Variants in MYNN observed in about 807,000 individuals in gnomAD.
MYNN encodes zinc finger and BTB domain-containing protein 31.
In MYNN, 22 loss-of-function variants were observed where a neutral mutation model predicts 57.2. The ratio of observed to expected loss-of-function variants is 0.38; its 90% CI spans 0.27 to 0.55. The LOEUF (loss-of-function observed/expected upper bound fraction) is 0.55, where lower values mean the gene tolerates loss of function less well. MYNN is among the 20% of genes least tolerant of loss of function. MYNN has a pLI of 0.71. For missense variants in MYNN, 566 were observed against 723.1 expected, an observed-to-expected ratio of 0.78 and a Z score of 2.49; for synonymous variants, 241 against 257.1, an observed-to-expected ratio of 0.94 and a Z score of 0.60.
At chr3:169,775,938 T>TG in intron 2 of MYNN, among the ~76,000 whole-genome samples, 1 of 152,102 alleles carries the variant, frequency 6.6e-6, no homozygotes, top group South Asian at 2.1e-4. Flanking sequence ...AAGTATCCAG[T>TG]GGGGGGAGGG....
chr3:169,788,194 T>C lies in MYNN; in HGVS notation c.*1516T>C, dbSNP rs1778725021. 6.6e-6 allele frequency: 1 copy of C among 152,096 alleles called. No individual in the cohort carries two copies. The highest frequency in any genetic ancestry group is 1.5e-5 in the Non-Finnish European group (1 of 67,988). 9.4% of individuals were successfully genotyped at this position (152,096 alleles called of 1,614,324 possible). The stretch of plus-strand genomic sequence containing the variant: ...AAAAACACTTAATGCTTGTAGTCTG[T>C]AGAGATCTTCACCATTTCACAGCAC... On this transcript the variant is annotated 3_prime_UTR_variant, in exon 8 of 8. Transcript: ENST00000349841.
chr3:169,784,200 CA>C (rs1160616464), intron 6 of MYNN, among the ~76,000 whole-genome samples: 1 of 151,964 alleles, frequency 6.6e-6, no homozygotes, highest in African/African-American at 2.4e-5. Context: ...AATATTGTAG[CA>C]TGCTGTCAGT....
At chr3:169,780,834 C>G (rs1778488680) in intron 4 of MYNN, 85 bp downstream of exon 4, 1 of 1,124,228 alleles carries the variant, frequency 8.9e-7, no homozygotes, top group African/African-American at 1.6e-5. Context: ...GAATTCAGGA[C>G]AGTAGAATTG....
At chr3:169,783,073 A>G (rs952242758) in intron 5 of MYNN, among the ~76,000 whole-genome samples, 2 of 152,148 alleles carry the variant, frequency 1.3e-5, no homozygotes, top group Non-Finnish European at 2.9e-5. Flanking sequence ...TTCAGATGCA[A>G]AATAGCAGTT....
At chr3:169,775,696 AAAAAC>A (rs1311528398) in intron 2 of MYNN, among the ~76,000 whole-genome samples, 4 of 152,192 alleles carry the variant, frequency 2.6e-5, no homozygotes, top group African/African-American at 4.8e-5. Context: ...AAAAAATAGA[AAAAAC>A]AAAAAAGAAA....
In MYNN at chr3:169,782,788, A is replaced by G. The variant is rs947125414; in HGVS notation, c.1399+145A>G. On this transcript the variant is annotated intron_variant, in intron 5 of 7. Coordinates refer to ENST00000349841, the MANE Select transcript of MYNN (RefSeq NM_018657.5). This position sits in a 1 kb window ranked among gnomAD's most constrained non-coding sequence, Gnocchi z 4.8. Reference sequence around the variant, plus strand: ...TAAGCTATGTTTATGATTTTTGCACATATTTGTTAAATATAAAAGCTGACT... The same window carrying G: ...TAAGCTATGTTTATGATTTTTGCACGTATTTGTTAAATATAAAAGCTGACT... The G allele has an allele frequency of 4.9e-6, 3 of 616,386 alleles. No homozygotes were observed. Among genetic ancestry groups the G allele is most frequent in the Non-Finnish European group, 2.7e-6 (1 of 375,970 alleles). 38.2% of individuals were successfully genotyped at this position (616,386 alleles called of 1,614,324 possible).
At chr3:169,780,397 C>T (rs1778477128) in intron 3 of MYNN, 193 bp from the exon 4 acceptor site, 8 of 462,792 alleles carry the variant, frequency 1.7e-5, no homozygotes, top group Middle Eastern at 5.4e-4. Context: ...GTATTTATCT[C>T]GTGAATTCAG....
chr3:169,779,487 C>T lies in MYNN; in HGVS notation c.986C>T (p.Pro329Leu). Residue 329 changes from proline (P) to leucine (L), a missense_variant, in exon 3 of 8, where the codon CCT becomes CTT. Pro to Leu is a moderately conservative substitution (Grantham distance 98). Coordinates refer to ENST00000349841, the MANE Select transcript of MYNN (RefSeq NM_018657.5). The stretch of plus-strand genomic sequence containing the variant: ...ATGAGAATACATAAAGGAGTCAAAC[C>T]TTACGTCTGCCACTTATGTGGAAAG... ...RHMRIHKGVK[P>L]YVCHLCGKAF... is the part of the protein sequence containing the mutation. 1 of 1,614,202 alleles carries T rather than the reference C, an allele frequency of 6.2e-7. No homozygotes were observed. Among genetic ancestry groups the T allele is most frequent in the Non-Finnish European group, 8.5e-7 (1 of 1,180,048 alleles).
intron 6 of MYNN, 64 bp from the exon 7 acceptor site, chr3:169,784,558 A>G (rs1778616384): frequency 9.3e-7 from 1 of 1,075,518 alleles, no homozygotes; most frequent in South Asian, 1.4e-5. Context: ...ATAAACATTG[A>G]TATTTTTGTC....
chr3:169,788,905 G>A lies in MYNN; in HGVS notation c.*2227G>A, dbSNP rs1778748372. 1 of 151,956 alleles carries A rather than the reference G, an allele frequency of 6.6e-6. No homozygotes were observed. The highest frequency in any genetic ancestry group is 2.4e-5 in the African/African-American group (1 of 41,362). The allele number at this position is 151,956 out of a possible 1,614,324, so 9.4% of individuals were successfully genotyped here. On this transcript the variant is annotated 3_prime_UTR_variant, in exon 8 of 8. Coordinates refer to ENST00000349841, the MANE Select transcript of MYNN (RefSeq NM_018657.5). ...ATATGCATATATTTAGTTGTATCTG[G>A]TATCATTCTAACACTCATAACTACC...
In MYNN at chr3:169,778,634, T is replaced by C. The variant is rs933998051; in HGVS notation, c.267-134T>C. On this transcript the variant is annotated intron_variant, in intron 2 of 7. Transcript: ENST00000349841. ...TATTCTGAATGAATTTATAAATCTATTTTTCTCTTAGTTATGTCTTTTTCA... is the reference window on the plus strand; with the variant it reads ...TATTCTGAATGAATTTATAAATCTACTTTTCTCTTAGTTATGTCTTTTTCA... 2.2e-5 allele frequency: 14 copies of C among 646,504 alleles called. No homozygotes were observed. The Admixed American group carries it at 3.2e-4, about 15-fold the overall frequency. The allele number at this position is 646,504 out of a possible 1,614,324, so 40.0% of individuals were successfully genotyped here. A position where few individuals can be genotyped will look rare whatever the true frequency, so the allele number is the denominator to read the frequency against.
intron 2 of MYNN, chr3:169,777,829 G>T (rs530894442): frequency 1.3e-5 from 2 of 152,284 alleles, no homozygotes; most frequent in South Asian, 4.1e-4. Context: ...TTTGGGTTGA[G>T]TATCACCAAA....
chr3:169,782,723 G>A lies in MYNN; in HGVS notation c.1399+80G>A. 8.6e-7 allele frequency: 1 copy of A among 1,162,670 alleles called. No individual in the cohort carries two copies. Among genetic ancestry groups the A allele is most frequent in the Middle Eastern group, 2.3e-4 (1 of 4,272 alleles). 72.0% of individuals were successfully genotyped at this position (1,162,670 alleles called of 1,614,324 possible). A position where few individuals can be genotyped will look rare whatever the true frequency, so the allele number is the denominator to read the frequency against. On this transcript the variant is annotated intron_variant, in intron 5 of 7. Transcript: ENST00000349841. The surrounding 1 kb of genome is among the most constrained non-coding windows in gnomAD (Gnocchi z 4.8). ...GGGACTTGGGCCTTTTAGCGAAGTA[G>A]ATCGGAAACTTTGTAGTTAGATATC...
rs186892759 is a variant in MYNN at position 169,783,283 on chromosome 3, A to G, written c.1400-194A>G. Among the ~76,000 whole-genome samples the G allele has an allele frequency of 3.0e-4, 46 of 152,220 alleles. No homozygotes were observed. The South Asian group carries it at 4.6e-3, about 15-fold the overall frequency. On this transcript the variant is annotated intron_variant, in intron 5 of 7. Transcript: ENST00000349841. Reference sequence around the variant, plus strand: ...ATTTTGAGGAATAAAGTTTTAATATATGAAAACTTATGAACAGTATACAAT... The same window carrying G: ...ATTTTGAGGAATAAAGTTTTAATATGTGAAAACTTATGAACAGTATACAAT...
Position 169,786,595 on chromosome 3 carries a change from T to C in MYNN, c.1750T>C (p.Ser584Pro), listed in dbSNP as rs577993235. 1 of 1,613,690 alleles carries C rather than the reference T, an allele frequency of 6.2e-7. No homozygotes were observed. The highest frequency in any genetic ancestry group is 1.3e-5 in the African/African-American group (1 of 75,034). Reference sequence around the variant, plus strand: ...GCTTCTGCCTGTCACGGATACTCAGTCTCCTACATCAGATACATTGTTGAG... The same window carrying C: ...GCTTCTGCCTGTCACGGATACTCAGCCTCCTACATCAGATACATTGTTGAG... Reference protein sequence around the residue: ...HMLLPVTDTQSPTSDTLLRST... With the variant: ...HMLLPVTDTQPPTSDTLLRST... Residue 584 changes from serine (S) to proline (P), a missense_variant, in exon 8 of 8, where the codon TCT becomes CCT. Transcript: ENST00000349841.
rs1401921958 is a variant in MYNN at position 169,787,652 on chromosome 3, A to C, written c.*974A>C. On this transcript the variant is annotated 3_prime_UTR_variant, in exon 8 of 8. Transcript: ENST00000349841. ...AGTTAAGAAATTAACCTCAATTATA[A>C]GTAAACATTTTGAGTTACCAGAAAG... The C allele has an allele frequency of 1.3e-5, 2 of 152,162 alleles. No homozygotes were observed. The highest frequency in any genetic ancestry group is 2.9e-5 in the Non-Finnish European group (2 of 67,974). 9.4% of individuals were successfully genotyped at this position (152,162 alleles called of 1,614,324 possible). A position where few individuals can be genotyped will look rare whatever the true frequency, so the allele number is the denominator to read the frequency against.
intron 3 of MYNN, 129 bp from the exon 4 acceptor site, chr3:169,780,461 A>G (rs1577397604): frequency 3.3e-6 from 2 of 601,292 alleles, no homozygotes; most frequent in East Asian, 6.3e-5. Flanking sequence ...GGAAAAGATT[A>G]TATTTGTTTT....
Position 169,786,521 on chromosome 3 carries a change from A to G in MYNN, c.1676A>G (p.Asp559Gly), listed in dbSNP as rs535038917. The change falls in exon 8 of 8, where the codon GAT (aspartate) becomes GGT (glycine). Residue 559 changes from aspartate (D) to glycine (G), a missense_variant. By Grantham distance (94) the Asp-to-Gly change is moderately conservative. Around this residue, in one of 4 missense-constraint regions of MYNN, gnomAD observed 156 missense variants for 163.9 expected, o/e 0.95. Transcript: ENST00000349841. ...GAAACTATGGATGTGAAGCCTTCTGATATGACTTTACCATTAGCTCTTCCA... is the reference window on the plus strand; with the variant it reads ...GAAACTATGGATGTGAAGCCTTCTGGTATGACTTTACCATTAGCTCTTCCA... ...LSETMDVKPSDMTLPLALPLG... is the reference protein window; with the variant it reads ...LSETMDVKPSGMTLPLALPLG... The G allele has an allele frequency of 4.1e-4, 665 of 1,613,762 alleles. 8 individuals carry two copies. The South Asian group carries it at 6.9e-3, about 17-fold the overall frequency.
intron 6 of MYNN, 90 bp downstream of exon 6, chr3:169,783,650 G>A: frequency 3.5e-6 from 3 of 848,892 alleles, no homozygotes; most frequent in Non-Finnish European, 6.1e-6. Context: ...TGGACTATAT[G>A]GTATTTAGTC....
Sources: gnomAD v4.1 joint callset for allele counts (sites outside exome capture counted in the v4.1 genomes callset) on GRCh38, gnomAD v4.1.1 for gene constraint, gnomAD v4.1.1 regional missense constraint, Gnocchi (gnomAD v3.1) non-coding constraint, MANE v1.5 for transcripts, NCBI Gene and HGNC (gene_info 2026-07-23, HGNC 2026-07-21) for gene names.